ZNF385B: variants seen among roughly 807,000 people sequenced by gnomAD.
The protein encoded by ZNF385B is zinc finger protein 385B.
Under a neutral mutation model 39.2 loss-of-function variants are expected in ZNF385B, and 23 were observed. The observed-to-expected ratio is 0.59, with a 90% confidence interval of 0.42 to 0.83. ZNF385B has a LOEUF of 0.83. Ranked by LOEUF, ZNF385B falls within the 40% of genes least tolerant of loss-of-function variation. The pLI is 0.00. For synonymous variants in ZNF385B, 205 were observed against 222.6 expected, an observed-to-expected ratio of 0.92 and a Z score of 0.70; for missense variants, 552 against 598.9, an observed-to-expected ratio of 0.92 and a Z score of 0.82.
chr2:179,692,153 C>A (rs1352161418), intron 3 of ZNF385B, among the ~76,000 whole-genome samples: 2 of 151,972 alleles, frequency 1.3e-5, no homozygotes, highest in Non-Finnish European at 2.9e-5. Context: ...CCCTTCTTAC[C>A]CCTCTACCCC....
At chr2:179,624,979 T>C (rs1690531989) in intron 3 of ZNF385B, among the ~76,000 whole-genome samples, 1 of 152,138 alleles carries the variant, frequency 6.6e-6, no homozygotes, top group Non-Finnish European at 1.5e-5. Context: ...TCAAGTGATA[T>C]TAGAATAGGC....
chr2:179,587,940 A>T (rs1490077671), intron 3 of ZNF385B, among the ~76,000 whole-genome samples: 1 of 152,218 alleles, frequency 6.6e-6, no homozygotes, highest in Non-Finnish European at 1.5e-5. Context: ...TCAAAAGATA[A>T]AATGGTCTTT....
intron 4 of ZNF385B, among the ~76,000 whole-genome samples, chr2:179,526,785 G>C (rs569994026): frequency 6.6e-6 from 1 of 152,278 alleles, no homozygotes; most frequent in East Asian, 1.9e-4. Flanking sequence ...TCTGCTGAAA[G>C]GAAGATGAAT....
At chr2:179,497,113 G>A (rs922963230) in intron 5 of ZNF385B, among the ~76,000 whole-genome samples, 3 of 152,068 alleles carry the variant, frequency 2.0e-5, no homozygotes, top group Non-Finnish European at 4.4e-5. Flanking sequence ...AAAAGCTGAG[G>A]TATTTCATCA....
chr2:179,837,555 C>T (rs1708318625), intron 1 of ZNF385B, among the ~76,000 whole-genome samples: 1 of 152,206 alleles, frequency 6.6e-6, no homozygotes, highest in Non-Finnish European at 1.5e-5. Flanking sequence ...GGTCACTAAA[C>T]AAGTCAGCAA....
rs2054964861 is a variant in ZNF385B at position 179,489,445 on chromosome 2, T to C, written c.553-6011A>G. ...TGCTGCTCTTACATCACAGATTTTATCCTCTGCTCCAAACCATAATCTTAC... is the reference window on the plus strand; with the variant it reads ...TGCTGCTCTTACATCACAGATTTTACCCTCTGCTCCAAACCATAATCTTAC... On this transcript the variant is annotated intron_variant, in intron 5 of 9. Coordinates refer to ENST00000410066, the MANE Select transcript of ZNF385B (RefSeq NM_152520.6). Among the ~76,000 whole-genome samples the C allele has an allele frequency of 3.9e-5, 6 of 152,212 alleles. 1 individual carries two copies. Among genetic ancestry groups the C allele is most frequent in the Admixed American group, 3.9e-4 (6 of 15,286 alleles).
chr2:179,600,169 T>A lies in ZNF385B; in HGVS notation c.299-55200A>T, dbSNP rs1688302358. 2.0e-5 allele frequency among the ~76,000 whole-genome samples: 3 copies of A among 152,220 alleles called. No homozygotes were observed. In the East Asian group the frequency reaches 5.8e-4, roughly 29 times the overall value. On this transcript the variant is annotated intron_variant, in intron 3 of 9. Transcript: ENST00000410066. ...TTCCAGCCCAGAACAGATTTAATGG[T>A]CTGGCTTAGCCTAAGGCCAACCATC... is the stretch of plus-strand genomic sequence containing the variant.
intron 3 of ZNF385B, among the ~76,000 whole-genome samples, chr2:179,581,152 T>C (rs1030731348): frequency 4.6e-5 from 7 of 152,158 alleles, no homozygotes; most frequent in African/African-American, 1.2e-4. Context: ...ACTGAATCCA[T>C]GCAAAGAGTA....
At chr2:179,578,552 C>G (rs968776469) in intron 3 of ZNF385B, among the ~76,000 whole-genome samples, 3 of 152,098 alleles carry the variant, frequency 2.0e-5, no homozygotes, top group Non-Finnish European at 2.9e-5. Flanking sequence ...CTACCTCACT[C>G]ATATACACAT....
chr2:179,769,902 T>C (rs1429471681), intron 2 of ZNF385B, 100 bp from the exon 3 acceptor site: 1 of 1,201,636 alleles, frequency 8.3e-7, no homozygotes, highest in Non-Finnish European at 1.1e-6. Context: ...AGCTAAAAGT[T>C]GCCCAGCTAC....
chr2:179,450,102 C>A (rs2049942752), intron 6 of ZNF385B, among the ~76,000 whole-genome samples: 1 of 151,722 alleles, frequency 6.6e-6, no homozygotes, highest in Non-Finnish European at 1.5e-5. Flanking sequence ...AAAATTAATT[C>A]AAGATGGATT....
At chr2:179,821,994 G>A (rs1029412240) in intron 1 of ZNF385B, among the ~76,000 whole-genome samples, 2 of 152,162 alleles carry the variant, frequency 1.3e-5, no homozygotes, top group African/African-American at 4.8e-5. Context: ...AAGGTTTTCT[G>A]TAAAAAAGTA....
At chr2:179,679,895 ATTTTG>A (rs1416129958) in intron 3 of ZNF385B, among the ~76,000 whole-genome samples, 1 of 152,010 alleles carries the variant, frequency 6.6e-6, no homozygotes, top group Non-Finnish European at 1.5e-5. Context: ...ATTTCTCTCC[ATTTTG>A]TTTTAACTTC....
intron 3 of ZNF385B, among the ~76,000 whole-genome samples, chr2:179,563,721 A>C (rs1684208508): frequency 6.6e-6 from 1 of 152,160 alleles, no homozygotes; most frequent in Non-Finnish European, 1.5e-5. Flanking sequence ...CTAGCTCTAT[A>C]CTTACTTCCC....
intron 3 of ZNF385B, among the ~76,000 whole-genome samples, chr2:179,642,678 T>C (rs1480515312): frequency 1.3e-5 from 2 of 152,164 alleles, no homozygotes; most frequent in East Asian, 1.9e-4. Context: ...ACAAAAACAA[T>C]AGTGTGTAAA....
At chr2:179,654,243 G>A (rs552861247) in intron 3 of ZNF385B, among the ~76,000 whole-genome samples, 1 of 152,106 alleles carries the variant, frequency 6.6e-6, no homozygotes, top group African/African-American at 2.4e-5. Flanking sequence ...AACATGACAG[G>A]ATCATGGAAG....
At chr2:179,635,703 C>T (rs1691692833) in intron 3 of ZNF385B, among the ~76,000 whole-genome samples, 1 of 151,962 alleles carries the variant, frequency 6.6e-6, no homozygotes, top group Non-Finnish European at 1.5e-5. Context: ...GTATTGCCTG[C>T]TATACTTCTA....
At chr2:179,844,722 C>A (rs1708712347) in intron 1 of ZNF385B, among the ~76,000 whole-genome samples, 1 of 152,152 alleles carries the variant, frequency 6.6e-6, no homozygotes, top group East Asian at 1.9e-4. Context: ...CAATATGACT[C>A]TCCAAGCAAG....
intron 3 of ZNF385B, chr2:179,745,806 G>C (rs1474494129): frequency 6.7e-7 from 1 of 1,490,308 alleles, no homozygotes; most frequent in Non-Finnish European, 8.9e-7. Context: ...TATGTGACCA[G>C]GATAATGCAC....
Sources: allele counts gnomAD v4.1 joint callset (sites outside exome capture counted in the v4.1 genomes callset), GRCh38; gene constraint gnomAD v4.1.1; transcripts MANE v1.5; gene names NCBI Gene and HGNC (gene_info 2026-07-23, HGNC 2026-07-21).